The following SPTLC3 variants were observed in gnomAD, a reference collection of about 807,000 sequenced individuals.
SPTLC3 encodes serine palmitoyltransferase long chain base subunit 3.
Under a neutral mutation model 59.3 loss-of-function variants are expected in SPTLC3, and 36 were observed. That is an observed-to-expected ratio of 0.61 (90% CI 0.47 to 0.80). The LOEUF (loss-of-function observed/expected upper bound fraction) is 0.80. Ranked by LOEUF, SPTLC3 falls within the 30% of genes least tolerant of loss-of-function variation. The probability of loss-of-function intolerance (pLI) is 0.00; values close to 1 mark genes in which losing one functional copy is unlikely to be tolerated. For missense variants in SPTLC3, 625 were observed against 685.1 expected (o/e 0.91, Z 0.98); for synonymous variants, 257 against 240.8 (o/e 1.07, Z -0.62).
rs1204028059 is a variant in SPTLC3, at chr20:13,067,090, T to C, written c.304-5166T>C. On this transcript the variant is annotated intron_variant, in intron 2 of 11. Transcript: ENST00000399002. ...ATATATATATATATATATATATATA[T>C]ATATATATATATGTATTCATGTTCA... Among the ~76,000 whole-genome samples the C allele has an allele frequency of 1.2e-3, 28 of 23,488 alleles. 8 individuals are homozygous for C. Among genetic ancestry groups the C allele is most frequent in the African/African-American group, 5.3e-3 (28 of 5,302 alleles). The allele number at this position is 23,488 out of a possible 152,430, so 15.4% of individuals were successfully genotyped here.
chr20:13,126,626 T>C lies in SPTLC3; in HGVS notation c.1188T>C (p.Ser396=), dbSNP rs1181816804. 6.2e-7 allele frequency: 1 copy of C among 1,614,042 alleles called. No individual in the cohort carries two copies. Among genetic ancestry groups the C allele is most frequent in the Non-Finnish European group, 8.5e-7 (1 of 1,179,948 alleles). The part of the protein sequence containing the change: ...LVDYLRVHSH[S]AVYASSMSPP... ...ATTATTTACGGGTTCACTCGCATAG[T>C]GCTGTTTATGCTTCATCCATGAGCC... Residue 396 remains serine (S), a synonymous_variant, in exon 9 of 12, where the codon AGT becomes AGC. Coordinates refer to ENST00000399002, the MANE Select transcript of SPTLC3 (RefSeq NM_018327.4).
intron 4 of SPTLC3, among the ~76,000 whole-genome samples, chr20:13,083,724 C>T (rs56164839): frequency 0.27 from 41,782 of 151,980 alleles, 5,904 homozygotes; most frequent in Middle Eastern, 0.36. Flanking sequence ...CAATTCCCAA[C>T]CTGGATTTCT....
intron 6 of SPTLC3, among the ~76,000 whole-genome samples, chr20:13,094,867 A>G (rs1989358468): frequency 6.6e-6 from 1 of 152,198 alleles, no homozygotes; most frequent in African/African-American, 2.4e-5. Context: ...TGGCCCCCTC[A>G]GACTTATAGG....
intron 7 of SPTLC3, among the ~76,000 whole-genome samples, chr20:13,112,464 C>T (rs1990286343): frequency 1.3e-5 from 2 of 152,194 alleles, no homozygotes; most frequent in South Asian, 2.1e-4. Context: ...GGCTCAAGTA[C>T]ATCATGAGGC....
At chr20:13,082,638 A>T (rs2281508) in intron 4 of SPTLC3, among the ~76,000 whole-genome samples, 1 of 152,046 alleles carries the variant, frequency 6.6e-6, no homozygotes, top group East Asian at 1.9e-4. Context: ...AAAGCCCAAA[A>T]CATTTATTCT....
At chr20:13,013,735 T>C (rs1985374406) in intron 1 of SPTLC3, among the ~76,000 whole-genome samples, 1 of 152,236 alleles carries the variant, frequency 6.6e-6, no homozygotes, top group Non-Finnish European at 1.5e-5. Flanking sequence ...GACAAGCAAT[T>C]ATAGTATTTA....
rs1263692640 is a variant in SPTLC3 at position 13,074,504 on chromosome 20, A to T, written c.607+7A>T. ...AGCACCAGGCATGAAATGGGTATGT[A>T]CATTCACTGTTTTGAAACTTTTTGC... On this transcript the variant is annotated splice_region_variant and intron_variant, in intron 4 of 11. Coordinates refer to ENST00000399002, the MANE Select transcript of SPTLC3 (RefSeq NM_018327.4). The T allele has an allele frequency of 6.2e-7, 1 of 1,601,764 alleles. No homozygotes were observed. The highest frequency in any genetic ancestry group is 8.5e-7 in the Non-Finnish European group (1 of 1,173,642).
At chr20:13,138,450 C>T (rs1340660845) in intron 9 of SPTLC3, among the ~76,000 whole-genome samples, 2 of 152,246 alleles carry the variant, frequency 1.3e-5, no homozygotes, top group South Asian at 2.1e-4. Context: ...CAGTCCCTTG[C>T]GGTTTTTACT....
chr20:13,151,927 G>A (rs1024450128), intron 9 of SPTLC3, among the ~76,000 whole-genome samples: 5 of 151,880 alleles, frequency 3.3e-5, no homozygotes, highest in African/African-American at 4.8e-5. Flanking sequence ...TTACCTAACC[G>A]CTCACAACAT....
At chr20:13,131,180 A>G (rs985111260) in intron 9 of SPTLC3, among the ~76,000 whole-genome samples, 15 of 152,188 alleles carry the variant, frequency 9.9e-5, no homozygotes, top group Admixed American at 2.0e-4. Flanking sequence ...TAAATCTTCG[A>G]TGTATATTTT....
At chr20:13,129,167 A>G (rs1010797492) in intron 9 of SPTLC3, among the ~76,000 whole-genome samples, 6 of 151,964 alleles carry the variant, frequency 3.9e-5, no homozygotes, top group African/African-American at 7.3e-5. Context: ...ACACCTGGCC[A>G]ATTTTTGTAT....
chr20:13,063,103 A>G (rs571319633), intron 2 of SPTLC3, among the ~76,000 whole-genome samples: 1 of 152,280 alleles, frequency 6.6e-6, no homozygotes, highest in East Asian at 1.9e-4. Context: ...ATCAACATTT[A>G]AAAATTGTTT....
chr20:13,099,170 G>GAAAAGAGTGGC (rs1989521970), intron 6 of SPTLC3, among the ~76,000 whole-genome samples: 1 of 152,170 alleles, frequency 6.6e-6, no homozygotes, highest in African/African-American at 2.4e-5. Context: ...GTTAAATGTG[G>GAAAAGAGTGGC]AAAAGAGTGG....
chr20:13,053,400 A>G (rs1414908569), intron 2 of SPTLC3, among the ~76,000 whole-genome samples: 2 of 152,160 alleles, frequency 1.3e-5, no homozygotes, highest in African/African-American at 4.8e-5. Context: ...GGTCACCAAC[A>G]TAGAAGACCA....
In SPTLC3 at chr20:13,009,390, A is replaced by C. The variant is rs576397261; in HGVS notation, c.117+6A>C. 1.2e-6 allele frequency: 2 copies of C among 1,609,806 alleles called. No individual in the cohort carries two copies. The highest frequency in any genetic ancestry group is 3.3e-5 in the Admixed American group (2 of 59,994). Reference sequence around the variant, plus strand: ...GAATAGTGAAGGAAGCCCAGGTAAGAGGCACTCTCCCCTACTCTTCTCTGA... The same window carrying C: ...GAATAGTGAAGGAAGCCCAGGTAAGCGGCACTCTCCCCTACTCTTCTCTGA... On this transcript the variant is annotated splice_donor_region_variant and intron_variant, in intron 1 of 11. Coordinates refer to ENST00000399002, the MANE Select transcript of SPTLC3 (RefSeq NM_018327.4).
chr20:13,103,612 G>C (rs1326727582), intron 6 of SPTLC3, among the ~76,000 whole-genome samples: 1 of 152,158 alleles, frequency 6.6e-6, no homozygotes, highest in Admixed American at 6.5e-5. Flanking sequence ...TGGGGTCATG[G>C]ATGACAAAGA....
At chr20:13,071,192 C>CT (rs1568587767) in intron 2 of SPTLC3, among the ~76,000 whole-genome samples, 1 of 152,192 alleles carries the variant, frequency 6.6e-6, no homozygotes, top group Non-Finnish European at 1.5e-5. Flanking sequence ...TTGCCATGAA[C>CT]TATTAATATC....
chr20:13,053,261 G>A (rs889338613), intron 2 of SPTLC3, among the ~76,000 whole-genome samples: 1 of 152,166 alleles, frequency 6.6e-6, no homozygotes, highest in Non-Finnish European at 1.5e-5. Flanking sequence ...AGGGTCTGGA[G>A]TGGGCCTCCA....
At chr20:13,080,445 T>C (rs1468489392) in intron 4 of SPTLC3, among the ~76,000 whole-genome samples, 2 of 144,556 alleles carry the variant, frequency 1.4e-5, no homozygotes, top group Non-Finnish European at 3.0e-5. Context: ...GAGTCAGAGG[T>C]TGCAGTGAGC....
Sources: allele counts gnomAD v4.1 joint callset (sites outside exome capture counted in the v4.1 genomes callset), GRCh38; gene constraint gnomAD v4.1.1; transcripts MANE v1.5; gene names NCBI Gene and HGNC (gene_info 2026-07-23, HGNC 2026-07-21).